Variants in KLHDC1 observed in about 807,000 individuals in gnomAD.
KLHDC1 encodes the protein kelch domain-containing protein 1.
KLHDC1 carries 53 observed loss-of-function variants against 68.3 expected under a neutral mutation model. That is an observed-to-expected ratio of 0.78 (90% confidence interval 0.62 to 0.98). The LOEUF is 0.98. Ranked by LOEUF, KLHDC1 falls within the 50% of genes least tolerant of loss-of-function variation. The pLI, the probability that KLHDC1 is intolerant of heterozygous loss-of-function variation, is 0.00. For synonymous variants in KLHDC1, 148 were observed against 159.0 expected (o/e 0.93, Z 0.52); for missense variants, 470 against 492.3 (o/e 0.95, Z 0.43).
At position 49,693,152 on chromosome 14, in the gene KLHDC1, C is replaced by T. The variant is rs780868246; in HGVS notation, c.-43C>T. 18 of 1,530,166 alleles carry T rather than the reference C, an allele frequency of 1.2e-5. No individual in the cohort carries two copies. The highest frequency in any genetic ancestry group is 1.8e-4 in the Middle Eastern group (1 of 5,710). The allele number at this position is 1,530,166 out of a possible 1,614,324, so 94.8% of individuals were successfully genotyped here. A position where few individuals can be genotyped will look rare whatever the true frequency, so the allele number is the denominator to read the frequency against. ...GCTGGAGGCGAGGCCGCCGGGCGGG[C>T]AGGGGTTGTGGCGCGGCAAGCGGCG... is the stretch of plus-strand genomic sequence containing the variant. On this transcript the variant is annotated 5_prime_UTR_variant, in exon 1 of 13. Coordinates refer to ENST00000359332, the MANE Select transcript of KLHDC1 (RefSeq NM_172193.3).
At chr14:49,748,425 AG>A (rs1186333852) in intron 12 of KLHDC1, among the ~76,000 whole-genome samples, 6 of 152,286 alleles carry the variant, frequency 3.9e-5, no homozygotes, top group African/African-American at 7.2e-5. Flanking sequence ...CAGAGGAAGC[AG>A]GGGTGTTTAT....
chr14:49,751,522 T>G, intron 12 of KLHDC1, 64 bp from the exon 13 acceptor site: 1 of 750,226 alleles, frequency 1.3e-6, no homozygotes, highest in Non-Finnish European at 2.0e-6. Context: ...AATTCTTAAC[T>G]ATAAATATTT....
intron 6 of KLHDC1, among the ~76,000 whole-genome samples, chr14:49,726,590 C>G (rs1436733094): frequency 6.6e-6 from 1 of 152,136 alleles, no homozygotes; most frequent in Non-Finnish European, 1.5e-5. Flanking sequence ...CCCTTGAATT[C>G]AGAGGTACAT....
chr14:49,731,370 GTGT>G (rs1250465186), intron 8 of KLHDC1, among the ~76,000 whole-genome samples: 2 of 152,286 alleles, frequency 1.3e-5, no homozygotes, highest in Middle Eastern at 3.4e-3. Context: ...AAAATGTCCT[GTGT>G]TATTCTGGAA....
At chr14:49,709,562 T>TA (rs1888145090) in intron 2 of KLHDC1, 147 bp from the exon 3 acceptor site, 1 of 470,104 alleles carries the variant, frequency 2.1e-6, no homozygotes, top group African/African-American at 2.0e-5. Flanking sequence ...TGGATCTTCT[T>TA]AGAGTTTTTA....
intron 1 of KLHDC1, among the ~76,000 whole-genome samples, chr14:49,707,323 G>A (rs1398152935): frequency 1.4e-5 from 2 of 141,312 alleles, no homozygotes; most frequent in Non-Finnish European, 1.5e-5. Flanking sequence ...AGAGAGACAT[G>A]GTAGACAAGA....
intron 1 of KLHDC1, among the ~76,000 whole-genome samples, chr14:49,696,086 C>T (rs922780170): frequency 2.0e-5 from 3 of 149,138 alleles, no homozygotes; most frequent in Non-Finnish European, 3.0e-5. Context: ...AAAAAAAAAT[C>T]TATTGTTTAG....
At chr14:49,715,554 C>T (rs900022506) in intron 4 of KLHDC1, among the ~76,000 whole-genome samples, 2 of 150,448 alleles carry the variant, frequency 1.3e-5, no homozygotes, top group Admixed American at 1.3e-4. Flanking sequence ...CGAGACCAGC[C>T]TGGCTGACAG....
intron 4 of KLHDC1, among the ~76,000 whole-genome samples, chr14:49,718,769 CTTT>C (rs71115397): frequency 2.2e-4 from 17 of 76,810 alleles, no homozygotes; most frequent in Admixed American, 9.1e-4. Context: ...TTCTTTCTTT[CTTT>C]TTTTTTTTTT....
intron 4 of KLHDC1, among the ~76,000 whole-genome samples, chr14:49,715,739 CAAAAAAA>C (rs1168439082): frequency 1.8e-4 from 10 of 54,900 alleles, no homozygotes; most frequent in East Asian, 1.5e-3. Context: ...GACTCTGTCT[CAAAAAAA>C]AAAAAAAAAA....
At chr14:49,721,554 TAGAGTA>T (rs756057387) in intron 4 of KLHDC1, among the ~76,000 whole-genome samples, 47 of 152,198 alleles carry the variant, frequency 3.1e-4, no homozygotes, top group Non-Finnish European at 5.6e-4. Context: ...TTTAGGTTGC[TAGAGTA>T]AGAGTTGAGT....
At position 49,713,051 on chromosome 14, in the gene KLHDC1, G is replaced by A. The variant is rs140318876; in HGVS notation, c.404+2670G>A. Among the ~76,000 whole-genome samples the A allele has an allele frequency of 8.1e-3, 1,208 of 149,498 alleles. 17 individuals carry two copies. The highest frequency in any genetic ancestry group is 0.028 in the African/African-American group (1,150 of 40,556). The stretch of plus-strand genomic sequence containing the variant: ...TGCAAGCTCTGCCTCCCAGGTTCAC[G>A]CCATTCTCCTGCCTCAGCCTCCCGA... On this transcript the variant is annotated intron_variant, in intron 4 of 12. Transcript: ENST00000359332.
Position 49,751,739 on chromosome 14 carries a change from A to G in KLHDC1, c.1188A>G (p.Thr396=). ...REEQRVQKEE[T]ENKYQWISSN The stretch of plus-strand genomic sequence containing the variant: ...AACAAAGAGTCCAAAAAGAAGAAAC[A>G]GAAAATAAATATCAGTGGATCAGTA... Residue 396 remains threonine, a synonymous_variant, in exon 13 of 13, where the codon ACA becomes ACG. Transcript: ENST00000359332. 6.3e-7 allele frequency: 1 copy of G among 1,590,482 alleles called. No individual in the cohort carries two copies. Among genetic ancestry groups the G allele is most frequent in the Non-Finnish European group, 8.6e-7 (1 of 1,166,784 alleles).
chr14:49,694,582 G>A (rs946646324), intron 1 of KLHDC1, among the ~76,000 whole-genome samples: 43 of 152,086 alleles, frequency 2.8e-4, no homozygotes, highest in Admixed American at 2.8e-3. Context: ...GGCTGGGCGC[G>A]GTGGCTCACA....
intron 10 of KLHDC1, among the ~76,000 whole-genome samples, chr14:49,739,052 A>G (rs1889000315): frequency 6.6e-6 from 1 of 152,220 alleles, no homozygotes; most frequent in Non-Finnish European, 1.5e-5. Flanking sequence ...AAGTGAGGCA[A>G]GTATAAAATG....
intron 10 of KLHDC1, 21 bp from the exon 11 acceptor site, chr14:49,740,077 G>A (rs1054370920): frequency 2.7e-6 from 4 of 1,454,996 alleles, no homozygotes; most frequent in Non-Finnish European, 1.9e-6. Flanking sequence ...GTTTCACTCT[G>A]TTTATAATTT....
Position 49,713,798 on chromosome 14 carries a change from GTATATATATATATA to G in KLHDC1, c.404+3457_404+3470del, listed in dbSNP as rs1174449263. Reference sequence around the variant, plus strand: ...GCTACTCAGGTGGCTGAGGCAGGAGGTATATATATATATATATATATATATATATATATATATAT... The same window carrying G: ...GCTACTCAGGTGGCTGAGGCAGGAGGTATATATATATATATATATATATAT... On this transcript the variant is annotated intron_variant, in intron 4 of 12. Coordinates refer to ENST00000359332, the MANE Select transcript of KLHDC1 (RefSeq NM_172193.3). 1.2e-3 allele frequency among the ~76,000 whole-genome samples: 68 copies of G among 58,370 alleles called. 1 individual carries two copies. Among genetic ancestry groups the G allele is most frequent in the African/African-American group, 2.1e-3 (31 of 14,600 alleles). 38.3% of individuals were successfully genotyped at this position (58,370 alleles called of 152,430 possible). A position where few individuals can be genotyped will look rare whatever the true frequency, so the allele number is the denominator to read the frequency against.
intron 1 of KLHDC1, among the ~76,000 whole-genome samples, chr14:49,706,506 G>A (rs1888054210): frequency 6.6e-6 from 1 of 152,082 alleles, no homozygotes; most frequent in African/African-American, 2.4e-5. Flanking sequence ...TAGCAGTGGG[G>A]GTGCTGGATC....
chr14:49,714,430 G>A (rs1470792544), intron 4 of KLHDC1, among the ~76,000 whole-genome samples: 1 of 151,406 alleles, frequency 6.6e-6, no homozygotes, highest in African/African-American at 2.4e-5. Context: ...CCGAGATCGC[G>A]CCATTGCACT....
Sources: gnomAD v4.1 joint callset for allele counts (sites outside exome capture counted in the v4.1 genomes callset) on GRCh38, gnomAD v4.1.1 for gene constraint, MANE v1.5 for transcripts, NCBI Gene and HGNC (gene_info 2026-07-23, HGNC 2026-07-21) for gene names.